PDE8B: variants seen among roughly 807,000 people sequenced by gnomAD.
PDE8B encodes the protein high affinity cAMP-specific and IBMX-insensitive 3',5'-cyclic phosphodiesterase 8B.
Under a neutral mutation model 101.3 loss-of-function variants are expected in PDE8B, and 26 were observed. The ratio of observed to expected loss-of-function variants is 0.26; its 90% CI spans 0.19 to 0.36. PDE8B has a LOEUF of 0.36. PDE8B is among the 10% of genes least tolerant of loss of function. The probability of loss-of-function intolerance (pLI) is 1.00; values close to 1 mark genes in which losing one functional copy is unlikely to be tolerated. For synonymous variants in PDE8B, 424 were observed against 429.3 expected (o/e 0.99, Z 0.15); for missense variants, 810 against 1,163.1 (o/e 0.70, Z 4.42).
chr5:77,188,582 C>T, the PDE8B span, among the ~76,000 whole-genome samples: 2 of 152,208 alleles, frequency 1.3e-5, no homozygotes, highest in Admixed American at 6.5e-5. Flanking sequence ...AAGACCACAG[C>T]TCACCCACTG....
chr5:77,099,749 A>G, the PDE8B span, among the ~76,000 whole-genome samples: 264 of 152,136 alleles, frequency 1.7e-3, 3 homozygotes, highest in East Asian at 0.016. Context: ...AGCTGGGACT[A>G]TAGGTGCACG....
At chr5:77,202,495 G>A in the PDE8B span, among the ~76,000 whole-genome samples, 1 of 152,004 alleles carries the variant, frequency 6.6e-6, no homozygotes, top group African/African-American at 2.4e-5. Context: ...TTTTTCTCAT[G>A]TTTTTCTTAA....
intron 1 of PDE8B, among the ~76,000 whole-genome samples, chr5:77,282,567 C>A (rs938885879): frequency 6.6e-6 from 1 of 151,976 alleles, no homozygotes; most frequent in African/African-American, 2.4e-5. Context: ...TGTGGGGAGG[C>A]CTTCCCTTCT....
chr5:77,418,072 C>T lies in PDE8B; in HGVS notation c.1912-157C>T, dbSNP rs148408575. 1.7e-3 allele frequency among the ~76,000 whole-genome samples: 258 copies of T among 152,236 alleles called. 3 individuals are homozygous for T. Among genetic ancestry groups the T allele is most frequent in the African/African-American group, 6.1e-3 (253 of 41,540 alleles). ...GCACAGTAAAGCGATGCTGCATGTC[C>T]GAGGCCGCCTCTCCACATCTAGGTC... is the stretch of plus-strand genomic sequence containing the variant. On this transcript the variant is annotated intron_variant, in intron 17 of 21. Transcript: ENST00000264917.
chr5:77,378,196 C>T (rs551833815), intron 10 of PDE8B, among the ~76,000 whole-genome samples: 2 of 152,198 alleles, frequency 1.3e-5, no homozygotes, highest in East Asian at 3.9e-4. Context: ...CACGGCGGCT[C>T]ATGCCTGTAA....
At chr5:77,411,761 C>T (rs778095982) in intron 15 of PDE8B, 40 bp downstream of exon 15, 9 of 1,435,452 alleles carry the variant, frequency 6.3e-6, no homozygotes, top group South Asian at 1.1e-5. Context: ...TAACCTGTCT[C>T]CAGCCTGTGC....
At chr5:77,129,308 A>G in the PDE8B span, among the ~76,000 whole-genome samples, 2 of 152,204 alleles carry the variant, frequency 1.3e-5, no homozygotes, top group African/African-American at 4.8e-5. Flanking sequence ...AAACATCCAC[A>G]AAGTATAAAT....
At chr5:77,400,389 C>A in intron 11 of PDE8B, 99 bp downstream of exon 11, 1 of 832,394 alleles carries the variant, frequency 1.2e-6, no homozygotes, top group East Asian at 2.4e-5. Flanking sequence ...ATCTACTACC[C>A]CAGAATGTGG....
At chr5:77,198,383 T>C in the PDE8B span, among the ~76,000 whole-genome samples, 3 of 152,190 alleles carry the variant, frequency 2.0e-5, no homozygotes, top group Non-Finnish European at 4.4e-5. Flanking sequence ...ATACATATTT[T>C]AGTACCTACT....
chr5:77,391,449 T>C (rs942281307), intron 10 of PDE8B, among the ~76,000 whole-genome samples: 1 of 152,152 alleles, frequency 6.6e-6, no homozygotes, highest in Non-Finnish European at 1.5e-5. Flanking sequence ...GCCATAGGCA[T>C]GCAGAGAGCC....
chr5:77,426,434 T>C lies in PDE8B; in HGVS notation c.2549-11T>C. On this transcript the variant is annotated splice_polypyrimidine_tract_variant and intron_variant, in intron 21 of 21. Coordinates refer to ENST00000264917, the MANE Select transcript of PDE8B (RefSeq NM_003719.5). ...TCACCGGTTTCTTTTGATTCTTTTC[T>C]GTCTTTGCAGCCTTTGCACATCTGC... The C allele has an allele frequency of 1.3e-6, 2 of 1,577,960 alleles. 1 individual carries two copies. Among genetic ancestry groups the C allele is most frequent in the South Asian group, 2.2e-5 (2 of 90,206 alleles).
chr5:77,132,975 T>A, the PDE8B span, among the ~76,000 whole-genome samples: 1 of 152,370 alleles, frequency 6.6e-6, no homozygotes, highest in Admixed American at 6.5e-5. Context: ...GCTTCTGATA[T>A]TGCTCTAGAG....
chr5:77,109,964 G>A, the PDE8B span, among the ~76,000 whole-genome samples: 2 of 102,824 alleles, frequency 1.9e-5, no homozygotes, highest in African/African-American at 4.1e-5. Context: ...TTGAGATGGA[G>A]TCTCACTCTG....
intron 1 of PDE8B, among the ~76,000 whole-genome samples, chr5:77,307,998 C>T (rs1483622904): frequency 6.6e-6 from 1 of 152,228 alleles, no homozygotes; most frequent in Admixed American, 6.5e-5. Flanking sequence ...GGCCTGGCTA[C>T]ACAGATGTCA....
At chr5:77,274,024 G>A (rs1763336604) in intron 1 of PDE8B, among the ~76,000 whole-genome samples, 1 of 152,010 alleles carries the variant, frequency 6.6e-6, no homozygotes, top group Non-Finnish European at 1.5e-5. Context: ...GTTTCTCCAT[G>A]TTGGTCAGGC....
the PDE8B span, among the ~76,000 whole-genome samples, chr5:77,191,218 A>C: frequency 6.9e-6 from 1 of 145,236 alleles, no homozygotes; most frequent in Non-Finnish European, 1.5e-5. Flanking sequence ...CCCTATCTTC[A>C]AATATAGTCA....
At chr5:77,242,944 G>A (rs1209276846) in intron 1 of PDE8B, among the ~76,000 whole-genome samples, 1 of 152,194 alleles carries the variant, frequency 6.6e-6, no homozygotes, top group East Asian at 1.9e-4. Flanking sequence ...GGGATTACAG[G>A]TGTGAGCCAC....
At chr5:77,337,448 C>A in intron 6 of PDE8B, 133 bp downstream of exon 6, 2 of 693,844 alleles carry the variant, frequency 2.9e-6, no homozygotes, top group Non-Finnish European at 5.4e-6. Context: ...CAATGAATGG[C>A]AGCTGGCCAA....
At chr5:77,247,498 A>G (rs1757196073) in intron 1 of PDE8B, among the ~76,000 whole-genome samples, 1 of 152,160 alleles carries the variant, frequency 6.6e-6, no homozygotes, top group Non-Finnish European at 1.5e-5. Context: ...GGGTCGAGCC[A>G]TGCCCTGCGG....
Sources: allele counts gnomAD v4.1 joint callset (sites outside exome capture counted in the v4.1 genomes callset), GRCh38; gene constraint gnomAD v4.1.1; transcripts MANE v1.5; gene names NCBI Gene and HGNC (gene_info 2026-07-23, HGNC 2026-07-21).